The following NDUFAF2 variants were observed in gnomAD, a reference collection of about 807,000 sequenced individuals.
NDUFAF2 encodes NADH:ubiquinone oxidoreductase complex assembly factor 2, also known as NADH dehydrogenase [ubiquinone] 1 alpha subcomplex assembly factor 2.
NDUFAF2 carries 13 observed loss-of-function variants against 22.8 expected under a neutral mutation model. That is an observed-to-expected ratio of 0.57 (90% CI 0.37 to 0.91). NDUFAF2 has a LOEUF of 0.91. NDUFAF2 is among the 40% of genes least tolerant of loss of function. The pLI, the probability that NDUFAF2 is intolerant of heterozygous loss-of-function variation, is 0.01. For missense variants in NDUFAF2, 162 were observed against 195.2 expected, an observed-to-expected ratio of 0.83 and a Z score of 1.01; for synonymous variants, 53 against 64.2, an observed-to-expected ratio of 0.83 and a Z score of 0.84.
chr5:61,040,240 G>A (rs1751853926), intron 1 of NDUFAF2, among the ~76,000 whole-genome samples: 3 of 135,862 alleles, frequency 2.2e-5, no homozygotes, highest in Non-Finnish European at 4.8e-5. Context: ...ATCTTTATAG[G>A]AAGAGGAAAG....
At chr5:61,039,400 A>G (rs1261892214) in intron 1 of NDUFAF2, among the ~76,000 whole-genome samples, 1 of 152,174 alleles carries the variant, frequency 6.6e-6, no homozygotes, top group Non-Finnish European at 1.5e-5. Context: ...TTCTTCTCCA[A>G]AAGAACTGGA....
intron 3 of NDUFAF2, among the ~76,000 whole-genome samples, chr5:61,132,587 T>G (rs1374909841): frequency 6.6e-5 from 10 of 152,208 alleles, no homozygotes; most frequent in Non-Finnish European, 5.9e-5. Context: ...GAATTCACTC[T>G]ACAACCCTAA....
At chr5:60,956,145 C>T (rs1350845032) in intron 1 of NDUFAF2, among the ~76,000 whole-genome samples, 1 of 152,058 alleles carries the variant, frequency 6.6e-6, no homozygotes, top group Non-Finnish European at 1.5e-5. Flanking sequence ...AAGTGATCCA[C>T]CTGCCTCGGC....
At chr5:61,082,520 C>G (rs1752455814) in intron 2 of NDUFAF2, among the ~76,000 whole-genome samples, 1 of 152,090 alleles carries the variant, frequency 6.6e-6, no homozygotes, top group Non-Finnish European at 1.5e-5. Flanking sequence ...ACCTGTCACC[C>G]AAATAGTGAA....
At chr5:61,069,928 T>A (rs1752274896) in intron 1 of NDUFAF2, among the ~76,000 whole-genome samples, 1 of 152,176 alleles carries the variant, frequency 6.6e-6, no homozygotes. Flanking sequence ...TATACTGTTA[T>A]ATCTACAGTC....
At chr5:61,092,283 A>G (rs1206373238) in intron 2 of NDUFAF2, among the ~76,000 whole-genome samples, 1 of 152,194 alleles carries the variant, frequency 6.6e-6, no homozygotes, top group Non-Finnish European at 1.5e-5. Flanking sequence ...TGGGAATAGC[A>G]TTGAATCTGT....
intron 1 of NDUFAF2, among the ~76,000 whole-genome samples, chr5:61,015,631 A>G (rs2112600193): frequency 6.6e-6 from 1 of 152,260 alleles, no homozygotes; most frequent in South Asian, 2.1e-4. Context: ...AAACTTAATG[A>G]TTGTTGAAAT....
chr5:61,019,982 A>G (rs1007357991), intron 1 of NDUFAF2, among the ~76,000 whole-genome samples: 13 of 152,154 alleles, frequency 8.5e-5, no homozygotes, highest in African/African-American at 3.1e-4. Flanking sequence ...CTACAAATTC[A>G]ATGTCTTTAA....
intron 1 of NDUFAF2, among the ~76,000 whole-genome samples, chr5:60,970,063 A>G (rs1334537228): frequency 6.6e-6 from 1 of 152,072 alleles, no homozygotes; most frequent in African/African-American, 2.4e-5. Context: ...TGGGTTCTCT[A>G]TTCTGTTCCA....
chr5:61,118,192 G>A, intron 3 of NDUFAF2, among the ~76,000 whole-genome samples: 1 of 152,106 alleles, frequency 6.6e-6, no homozygotes, highest in East Asian at 1.9e-4. Context: ...TTACTATGGT[G>A]TCTTGCCTTG....
chr5:60,972,542 A>G (rs1750848791), intron 1 of NDUFAF2, among the ~76,000 whole-genome samples: 1 of 152,136 alleles, frequency 6.6e-6, no homozygotes, highest in Non-Finnish European at 1.5e-5. Context: ...CCTCCCAGGT[A>G]TGCGGAACTG....
At chr5:60,957,305 C>A (rs1346630883) in intron 1 of NDUFAF2, among the ~76,000 whole-genome samples, 2 of 152,078 alleles carry the variant, frequency 1.3e-5, no homozygotes, top group Non-Finnish European at 2.9e-5. Context: ...AGGTAACAAA[C>A]ATCTTGTCAA....
intron 1 of NDUFAF2, among the ~76,000 whole-genome samples, chr5:61,049,186 A>C (rs1751992572): frequency 6.6e-6 from 1 of 152,108 alleles, no homozygotes; most frequent in Non-Finnish European, 1.5e-5. Flanking sequence ...GTAACCTTTT[A>C]TTAAAACTGT....
chr5:61,149,768 G>T (rs2111835063), intron 3 of NDUFAF2, among the ~76,000 whole-genome samples: 1 of 152,262 alleles, frequency 6.6e-6, no homozygotes, highest in Middle Eastern at 3.4e-3. Flanking sequence ...GGGTGATATT[G>T]TTCCAAGGAA....
intron 3 of NDUFAF2, among the ~76,000 whole-genome samples, chr5:61,134,885 A>G (rs1740894663): frequency 6.6e-6 from 1 of 151,978 alleles, no homozygotes; most frequent in African/African-American, 2.4e-5. Context: ...TGTTTGTCTT[A>G]CTCTTCTTAC....
chr5:61,031,165 C>CT (rs1436665920), intron 1 of NDUFAF2, among the ~76,000 whole-genome samples: 1 of 151,984 alleles, frequency 6.6e-6, no homozygotes, highest in Non-Finnish European at 1.5e-5. Context: ...ATTATGTTTT[C>CT]TTTTTTTAAA....
intron 1 of NDUFAF2, among the ~76,000 whole-genome samples, chr5:60,950,642 T>G (rs72757186): frequency 0.18 from 23,433 of 132,682 alleles, 2,447 homozygotes; most frequent in Non-Finnish European, 0.25. Flanking sequence ...GCTTGCTGGG[T>G]TTTTTTTTTT....
chr5:61,017,485 T>C (rs1751526990), intron 1 of NDUFAF2, among the ~76,000 whole-genome samples: 1 of 151,836 alleles, frequency 6.6e-6, no homozygotes, highest in Non-Finnish European at 1.5e-5. Context: ...GAAATTTCAT[T>C]ATGTAAAATT....
intron 1 of NDUFAF2, among the ~76,000 whole-genome samples, chr5:60,997,133 C>T (rs1039749260): frequency 1.3e-5 from 2 of 152,110 alleles, no homozygotes; most frequent in African/African-American, 2.4e-5. Context: ...AGCTAGTTCA[C>T]CAAACTGAAA....
Sources: gnomAD v4.1 joint callset for allele counts (sites outside exome capture counted in the v4.1 genomes callset) on GRCh38, gnomAD v4.1.1 for gene constraint, MANE v1.5 for transcripts, NCBI Gene and HGNC (gene_info 2026-07-23, HGNC 2026-07-21) for gene names.